The following RBFOX1 variants were observed in gnomAD, a reference collection of about 807,000 sequenced individuals.
RBFOX1 encodes RNA binding protein fox-1 homolog 1.
Under a neutral mutation model 57.7 loss-of-function variants are expected in RBFOX1, and 8 were observed. That is an observed-to-expected ratio of 0.14 (90% CI 0.08 to 0.25). The LOEUF is 0.25. Among genes scored for constraint, RBFOX1 ranks in the 10% least tolerant of loss-of-function variants. The pLI is 1.00. For synonymous variants in RBFOX1, 326 were observed against 222.4 expected, an observed-to-expected ratio of 1.47 and a Z score of -4.15; for missense variants, 611 against 548.5, an observed-to-expected ratio of 1.11 and a Z score of -1.14.
chr16:6,636,363 G>A (rs542893104), intron 2 of RBFOX1, among the ~76,000 whole-genome samples: 12 of 152,100 alleles, frequency 7.9e-5, no homozygotes, highest in Middle Eastern at 6.8e-3. Flanking sequence ...GTAGAGATGG[G>A]GTTTCATGGT....
intron 1 of RBFOX1, among the ~76,000 whole-genome samples, chr16:6,307,314 C>T (rs960255616): frequency 2.6e-5 from 4 of 151,942 alleles, no homozygotes; most frequent in Admixed American, 6.6e-5. Flanking sequence ...ACCCGGGAGG[C>T]GGAGCTTGCA....
chr16:6,749,500 G>C (rs1458885258), intron 3 of RBFOX1, among the ~76,000 whole-genome samples: 1 of 152,126 alleles, frequency 6.6e-6, no homozygotes, highest in Non-Finnish European at 1.5e-5. Flanking sequence ...TTCCAGATAA[G>C]GATACTGAGG....
At chr16:7,438,459 G>T (rs113163786) in intron 4 of RBFOX1, among the ~76,000 whole-genome samples, 3,758 of 152,188 alleles carry the variant, frequency 0.025, 51 homozygotes, top group Non-Finnish European at 0.036. Context: ...GGTAATCAAG[G>T]AGAGATGGCG....
intron 2 of RBFOX1, among the ~76,000 whole-genome samples, chr16:6,361,939 T>C (rs1348207704): frequency 1.3e-5 from 2 of 151,830 alleles, no homozygotes; most frequent in African/African-American, 4.8e-5. Flanking sequence ...ACACTTCTCA[T>C]GAAGTCCCTG....
intron 2 of RBFOX1, among the ~76,000 whole-genome samples, chr16:6,588,357 A>G (rs1460702702): frequency 6.6e-6 from 1 of 151,966 alleles, no homozygotes; most frequent in East Asian, 1.9e-4. Context: ...CTTTTGATCT[A>G]GAAGAGTACT....
At chr16:6,822,695 A>G (rs1275287737) in intron 3 of RBFOX1, among the ~76,000 whole-genome samples, 2 of 152,192 alleles carry the variant, frequency 1.3e-5, no homozygotes, top group African/African-American at 4.8e-5. Context: ...GTTTTTAAAG[A>G]TCCAAGCTCT....
At chr16:6,548,029 C>T (rs887650037) in intron 2 of RBFOX1, among the ~76,000 whole-genome samples, 2 of 152,148 alleles carry the variant, frequency 1.3e-5, no homozygotes, top group African/African-American at 2.4e-5. Flanking sequence ...TTCTTATTGA[C>T]AAGCTCAGAC....
chr16:5,809,261 A>C (rs536727014), intron 3 of RBFOX1, among the ~76,000 whole-genome samples: 1 of 152,196 alleles, frequency 6.6e-6, no homozygotes, highest in Non-Finnish European at 1.5e-5. Flanking sequence ...ACATAGGCAC[A>C]GGCAAGGACT....
rs1257551767 is a variant in RBFOX1 at position 6,858,408 on chromosome 16, T to A, written c.-15-193649T>A. 5.9e-5 allele frequency among the ~76,000 whole-genome samples: 9 copies of A among 152,298 alleles called. No homozygotes were observed. In the South Asian group the frequency reaches 1.9e-3, roughly 32 times the overall value. ...CTTGTTGGTTTTGTGTTGTTCTTTC[T>A]TCTTTAATTGTGGACTTGAAGGAGT... On this transcript the variant is annotated intron_variant, in intron 3 of 15. Coordinates refer to ENST00000550418, the MANE Select transcript of RBFOX1 (RefSeq NM_018723.4).
intron 1 of RBFOX1, among the ~76,000 whole-genome samples, chr16:6,067,756 A>T (rs995473647): frequency 1.3e-5 from 2 of 152,248 alleles, no homozygotes; most frequent in Non-Finnish European, 2.9e-5. Context: ...AAAAAAATAT[A>T]TAAAAAGCTC....
intron 4 of RBFOX1, among the ~76,000 whole-genome samples, chr16:5,905,815 C>T (rs902758525): frequency 2.6e-5 from 4 of 152,138 alleles, no homozygotes; most frequent in Non-Finnish European, 5.9e-5. Flanking sequence ...AAAACTGATC[C>T]ACTCCCAAGC....
intron 2 of RBFOX1, among the ~76,000 whole-genome samples, chr16:6,599,682 C>T (rs752424177): frequency 2.6e-4 from 39 of 152,304 alleles, no homozygotes; most frequent in Non-Finnish European, 4.9e-4. Flanking sequence ...TGCTTCAGAA[C>T]TGCTGCTGTG....
chr16:5,525,204 C>G (rs371775809), intron 2 of RBFOX1, among the ~76,000 whole-genome samples: 2 of 152,076 alleles, frequency 1.3e-5, no homozygotes, highest in Admixed American at 1.3e-4. Context: ...GGTCCAGGGT[C>G]CGGTCTTCAT....
intron 3 of RBFOX1, among the ~76,000 whole-genome samples, chr16:6,955,791 C>T (rs918302826): frequency 1.3e-5 from 2 of 152,124 alleles, no homozygotes; most frequent in Non-Finnish European, 2.9e-5. Context: ...CTGCAACCTC[C>T]ATTTCCCTGG....
intron 3 of RBFOX1, among the ~76,000 whole-genome samples, chr16:6,790,801 T>A (rs1260970290): frequency 1.3e-5 from 2 of 152,172 alleles, no homozygotes; most frequent in African/African-American, 4.8e-5. Flanking sequence ...ATAGTTCTGC[T>A]AGAGGGTGGT....
At chr16:6,605,589 G>T (rs928394473) in intron 2 of RBFOX1, among the ~76,000 whole-genome samples, 1 of 152,120 alleles carries the variant, frequency 6.6e-6, no homozygotes, top group South Asian at 2.1e-4. Context: ...TTTTACTTGT[G>T]CTGCTACTTT....
chr16:5,624,974 T>A (rs2048306499), intron 3 of RBFOX1, among the ~76,000 whole-genome samples: 1 of 152,112 alleles, frequency 6.6e-6, no homozygotes, highest in Non-Finnish European at 1.5e-5. Flanking sequence ...TGGGGCCGTG[T>A]GATTGAGGGT....
chr16:7,542,713 A>G (rs1253903607), intron 5 of RBFOX1, among the ~76,000 whole-genome samples: 1 of 150,752 alleles, frequency 6.6e-6, no homozygotes, highest in Non-Finnish European at 1.5e-5. Context: ...AAAAAAAAAA[A>G]AAAAAAAGCC....
At chr16:7,685,831 A>C (rs2075950605) in intron 14 of RBFOX1, among the ~76,000 whole-genome samples, 1 of 152,054 alleles carries the variant, frequency 6.6e-6, no homozygotes, top group Admixed American at 6.6e-5. Flanking sequence ...CAAGATTTGA[A>C]ATCAGATCTT....
Sources: gnomAD v4.1 joint callset for allele counts (sites outside exome capture counted in the v4.1 genomes callset) on GRCh38, gnomAD v4.1.1 for gene constraint, MANE v1.5 for transcripts, NCBI Gene and HGNC (gene_info 2026-07-23, HGNC 2026-07-21) for gene names.